Variants in PPP1R12B observed in about 807,000 individuals in gnomAD.
PPP1R12B encodes the protein protein phosphatase 1 regulatory subunit 12B.
PPP1R12B carries 76 observed loss-of-function variants against 126.1 expected under a neutral mutation model. The ratio of observed to expected loss-of-function variants is 0.60; its 90% CI spans 0.50 to 0.73. The LOEUF (loss-of-function observed/expected upper bound fraction) is 0.73. Among genes scored for constraint, PPP1R12B ranks in the 30% least tolerant of loss-of-function variants. PPP1R12B has a pLI of 0.00. For missense variants in PPP1R12B, 1,052 were observed against 1,205.1 expected, an observed-to-expected ratio of 0.87 and a Z score of 1.88; for synonymous variants, 356 against 434.7, an observed-to-expected ratio of 0.82 and a Z score of 2.25.
intron 1 of PPP1R12B, among the ~76,000 whole-genome samples, chr1:202,377,959 C>T (rs2148476168): frequency 6.6e-6 from 1 of 150,736 alleles, no homozygotes; most frequent in East Asian, 2.0e-4. Context: ...CTGCCTCAGC[C>T]TCCCGAGTAG....
At chr1:202,424,370 C>T (rs1393906734) in intron 3 of PPP1R12B, among the ~76,000 whole-genome samples, 1 of 150,914 alleles carries the variant, frequency 6.6e-6, no homozygotes, top group Admixed American at 6.6e-5. Context: ...GTCTCCCAGG[C>T]TGGAGTGCAG....
At chr1:202,559,893 A>G (rs1687346257) in intron 19 of PPP1R12B, among the ~76,000 whole-genome samples, 1 of 152,180 alleles carries the variant, frequency 6.6e-6, no homozygotes, top group African/African-American at 2.4e-5. Context: ...GCCATTTGTG[A>G]AAGGAAACTT....
At chr1:202,423,344 AT>A (rs150492093) in intron 3 of PPP1R12B, among the ~76,000 whole-genome samples, 212 of 148,030 alleles carry the variant, frequency 1.4e-3, no homozygotes, top group African/African-American at 3.8e-3. Context: ...ATTTGTAGTG[AT>A]TTTTTTTTTT....
At chr1:202,363,592 C>A (rs999086312) in intron 1 of PPP1R12B, among the ~76,000 whole-genome samples, 1 of 152,176 alleles carries the variant, frequency 6.6e-6, no homozygotes, top group African/African-American at 2.4e-5. Context: ...GTCTTCAGCT[C>A]TGGGGACCAC....
At chr1:202,438,317 T>G in intron 10 of PPP1R12B, 1 of 1,418,656 alleles carries the variant, frequency 7.0e-7, no homozygotes, top group Non-Finnish European at 9.6e-7. Flanking sequence ...ACATAAAAAT[T>G]TCAGTATGGC....
chr1:202,439,022 C>A, intron 10 of PPP1R12B: 1 of 1,382,292 alleles, frequency 7.2e-7, no homozygotes. Flanking sequence ...CGGCAGTGCC[C>A]ACTACCAGTG....
At chr1:202,446,678 C>T (rs1287788252) in intron 12 of PPP1R12B, among the ~76,000 whole-genome samples, 1 of 151,218 alleles carries the variant, frequency 6.6e-6, no homozygotes, top group East Asian at 1.9e-4. Flanking sequence ...TTTGTTGGAC[C>T]CCATTATGTG....
chr1:202,440,686 T>C lies in PPP1R12B; in HGVS notation c.1459-20T>C. 6.3e-7 allele frequency: 1 copy of C among 1,586,362 alleles called. No individual in the cohort carries two copies. The highest frequency in any genetic ancestry group is 8.7e-7 in the Non-Finnish European group (1 of 1,155,386). ...CCAGTATTGTACCTTTCTTGTGCTTTACTTGTTTTTATTTTACAGGAGAGA... is the reference window on the plus strand; with the variant it reads ...CCAGTATTGTACCTTTCTTGTGCTTCACTTGTTTTTATTTTACAGGAGAGA... On this transcript the variant is annotated intron_variant, in intron 10 of 23. Transcript: ENST00000608999.
intron 3 of PPP1R12B, 106 bp from the exon 4 acceptor site, chr1:202,425,460 G>A: frequency 3.2e-6 from 4 of 1,241,434 alleles, no homozygotes; most frequent in Non-Finnish European, 2.3e-6. Context: ...TGGCTAAATT[G>A]TTATTTGTAT....
At chr1:202,382,093 A>G (rs1197357996) in intron 1 of PPP1R12B, among the ~76,000 whole-genome samples, 2 of 152,182 alleles carry the variant, frequency 1.3e-5, no homozygotes, top group African/African-American at 4.8e-5. Context: ...CTATGCAGCC[A>G]TAAAAAATGA....
intron 12 of PPP1R12B, among the ~76,000 whole-genome samples, chr1:202,446,682 T>C (rs1195646703): frequency 1.3e-5 from 2 of 151,554 alleles, no homozygotes; most frequent in African/African-American, 4.8e-5. Context: ...TTGGACCCCA[T>C]TATGTGACAG....
chr1:202,397,146 A>G (rs1665109404), intron 1 of PPP1R12B, among the ~76,000 whole-genome samples: 1 of 151,758 alleles, frequency 6.6e-6, no homozygotes, highest in African/African-American at 2.4e-5. Flanking sequence ...CAATGCTCTC[A>G]TTTCCTTTCA....
intron 6 of PPP1R12B, among the ~76,000 whole-genome samples, chr1:202,429,849 C>A (rs1416383310): frequency 6.6e-6 from 1 of 152,122 alleles, no homozygotes; most frequent in African/African-American, 2.4e-5. Context: ...ATCAACCATA[C>A]CTAATCTCTG....
chr1:202,506,755 A>T (rs1355504532), intron 18 of PPP1R12B, among the ~76,000 whole-genome samples: 8 of 151,980 alleles, frequency 5.3e-5, no homozygotes, highest in Admixed American at 1.3e-4. Flanking sequence ...GGAGCTTTTT[A>T]AAAAAAATGT....
Position 202,585,302 on chromosome 1 carries a change from T to C in PPP1R12B, c.*4742T>C, listed in dbSNP as rs1262776894. 6.6e-6 allele frequency: 1 copy of C among 152,208 alleles called. No homozygotes were observed. The highest frequency in any genetic ancestry group is 2.4e-5 in the African/African-American group (1 of 41,450). The allele number at this position is 152,208 out of a possible 1,614,324, so 9.4% of individuals were successfully genotyped here. On this transcript the variant is annotated 3_prime_UTR_variant, in exon 24 of 24. Transcript: ENST00000608999. Reference sequence around the variant, plus strand: ...GTAAGGGCCCACGCCCAGCCTACCATACTGATTTTCAAGGCAGGGTCTAAC... The same window carrying C: ...GTAAGGGCCCACGCCCAGCCTACCACACTGATTTTCAAGGCAGGGTCTAAC...
intron 1 of PPP1R12B, among the ~76,000 whole-genome samples, chr1:202,366,901 G>T (rs564073986): frequency 2.0e-5 from 3 of 152,150 alleles, no homozygotes; most frequent in Non-Finnish European, 4.4e-5. Context: ...GCTATTTCAT[G>T]GAGTCACTGT....
chr1:202,438,386 C>T (rs1157318848), intron 10 of PPP1R12B: 1 of 681,540 alleles, frequency 1.5e-6, no homozygotes, highest in East Asian at 3.9e-5. Flanking sequence ...ATTCCCGTCC[C>T]CCCAGCGGCA....
rs1681018957 is a variant in PPP1R12B, at chr1:202,508,045, CAAAG to C, written c.2490+11224_2490+11227del. 6.6e-6 allele frequency among the ~76,000 whole-genome samples: 1 copy of C among 152,168 alleles called. No individual in the cohort carries two copies. The highest frequency in any genetic ancestry group is 6.5e-5 in the Admixed American group (1 of 15,280). On this transcript the variant is annotated intron_variant, in intron 18 of 23. Coordinates refer to ENST00000608999, the MANE Select transcript of PPP1R12B (RefSeq NM_002481.4). The surrounding 1 kb of genome is among the most constrained non-coding windows in gnomAD (Gnocchi z 4.5). ...TAGAAGTGTTATTTTGGTAGAATCTCAAAGGTAGGATAGTAGGACTACCTATCCC... is the reference window on the plus strand; with the variant it reads ...TAGAAGTGTTATTTTGGTAGAATCTCGTAGGATAGTAGGACTACCTATCCC...
chr1:202,476,892 T>C (rs1313078131), intron 13 of PPP1R12B, among the ~76,000 whole-genome samples: 2 of 152,068 alleles, frequency 1.3e-5, no homozygotes, highest in Non-Finnish European at 2.9e-5. Flanking sequence ...GTTATCATTC[T>C]AGAGAAAGCA....
Sources: allele counts gnomAD v4.1 joint callset (sites outside exome capture counted in the v4.1 genomes callset), GRCh38; gene constraint gnomAD v4.1.1; non-coding constraint Gnocchi (gnomAD v3.1); transcripts MANE v1.5; gene names NCBI Gene and HGNC (gene_info 2026-07-23, HGNC 2026-07-21).